Variants in MYOM2 observed in about 807,000 individuals in gnomAD.
MYOM2 encodes the protein myomesin 2, also known as myomesin-2.
Under a neutral mutation model 187.6 loss-of-function variants are expected in MYOM2, and 254 were observed. The observed-to-expected ratio is 1.35, with a 90% CI of 1.22 to 1.50. The LOEUF is 1.50. Ranked by LOEUF, MYOM2 falls within the 40% of genes most tolerant of loss-of-function variation. The probability of loss-of-function intolerance (pLI) is 0.00; values close to 1 mark genes in which losing one functional copy is unlikely to be tolerated. For synonymous variants in MYOM2, 981 were observed against 753.8 expected (o/e 1.30, Z -4.94); for missense variants, 2,796 against 1,924.0 (o/e 1.45, Z -8.48).
At chr8:2,065,582 C>T (rs950554884) in intron 6 of MYOM2, among the ~76,000 whole-genome samples, 4 of 152,134 alleles carry the variant, frequency 2.6e-5, no homozygotes, top group Non-Finnish European at 5.9e-5. Context: ...CAAAAAAGAG[C>T]CTCGGCAACT....
chr8:2,135,270 C>G (rs1020316167), intron 32 of MYOM2, among the ~76,000 whole-genome samples: 1 of 152,126 alleles, frequency 6.6e-6, no homozygotes, highest in African/African-American at 2.4e-5. Context: ...TCATCTTTAG[C>G]CATACAGTAT....
chr8:2,120,689 A>ATATATATATAAATATATATTTATATAT, intron 28 of MYOM2, among the ~76,000 whole-genome samples: 30 of 42,380 alleles, frequency 7.1e-4, no homozygotes, highest in Admixed American at 1.3e-3. Flanking sequence ...ATTATATATA[A>ATATATATATAAATATATATTTATATAT]ATATATAATA....
intron 13 of MYOM2, among the ~76,000 whole-genome samples, chr8:2,082,670 C>T (rs1440266448): frequency 1.3e-5 from 2 of 152,138 alleles, no homozygotes; most frequent in Admixed American, 6.6e-5. Flanking sequence ...TTGGAAAGGC[C>T]AGAATAGACC....
At chr8:2,050,222 C>G (rs1585812712) in intron 1 of MYOM2, among the ~76,000 whole-genome samples, 1 of 152,152 alleles carries the variant, frequency 6.6e-6, no homozygotes, top group African/African-American at 2.4e-5. Context: ...ATGGGCTGCC[C>G]TCCTTTCCCA....
intron 19 of MYOM2, among the ~76,000 whole-genome samples, chr8:2,100,081 CTT>C (rs1796638352): frequency 0.32 from 23,504 of 73,956 alleles, 4,970 homozygotes; most frequent in East Asian, 0.5. Flanking sequence ...TCCTTCCTTT[CTT>C]CTTTCCTTCC....
At position 2,079,543 on chromosome 8, in the gene MYOM2, A is replaced by C. The variant is rs1347362121; in HGVS notation, c.1463-17A>C. 1.2e-6 allele frequency: 2 copies of C among 1,613,896 alleles called. No individual in the cohort carries two copies. The highest frequency in any genetic ancestry group is 2.2e-5 in the East Asian group (1 of 44,870). ...AACTTCGCATGTCAAATCGAGTGTC[A>C]ACCTTTCTCTCCGCAGCCGTTCATT... On this transcript the variant is annotated splice_polypyrimidine_tract_variant and intron_variant, in intron 12 of 36. Coordinates refer to ENST00000262113, the MANE Select transcript of MYOM2 (RefSeq NM_003970.4).
At position 2,143,619 on chromosome 8, in the gene MYOM2, C is replaced by T. The variant is rs112129475; in HGVS notation, c.4080+163C>T. ...CCCCCACTTTTCTGCCCCTCCTAGA[C>T]GGCTTGGAATAGCCCCTGTATTCTC... On this transcript the variant is annotated intron_variant, in intron 36 of 36. Transcript: ENST00000262113. Among the ~76,000 whole-genome samples the T allele has an allele frequency of 4.7e-3, 712 of 152,276 alleles. 14 individuals are homozygous for T. The highest frequency in any genetic ancestry group is 0.045 in the East Asian group (231 of 5,164).
At chr8:2,102,900 G>A (rs1796757852) in intron 21 of MYOM2, 119 bp downstream of exon 21, 4 of 742,022 alleles carry the variant, frequency 5.4e-6, no homozygotes, top group African/African-American at 3.5e-5. Flanking sequence ...CACGTGTTAT[G>A]TGTGTATGTG....
chr8:2,074,717 C>G (rs1819356656), intron 10 of MYOM2, among the ~76,000 whole-genome samples: 2 of 152,130 alleles, frequency 1.3e-5, no homozygotes, highest in Non-Finnish European at 1.5e-5. Context: ...CTCGGCCTCC[C>G]AAGTGTTGGG....
At chr8:2,130,094 C>T (rs55955938) in intron 32 of MYOM2, among the ~76,000 whole-genome samples, 29,105 of 150,112 alleles carry the variant, frequency 0.19, 2,586 homozygotes, top group Middle Eastern at 0.24. Flanking sequence ...AGGGCGCCCA[C>T]ACCCCGCCTT....
At chr8:2,050,370 G>A (rs1056717373) in intron 1 of MYOM2, among the ~76,000 whole-genome samples, 1 of 152,136 alleles carries the variant, frequency 6.6e-6, no homozygotes, top group Non-Finnish European at 1.5e-5. Flanking sequence ...CTTATCGTAT[G>A]TTCTCTTGTA....
At chr8:2,052,344 T>C in intron 3 of MYOM2, 31 bp downstream of exon 3, 5 of 1,570,994 alleles carry the variant, frequency 3.2e-6, no homozygotes, top group Non-Finnish European at 4.3e-6. Context: ...ACTCCACTTG[T>C]GCCCTGCGTG....
At chr8:2,130,724 T>G (rs753691963) in intron 32 of MYOM2, among the ~76,000 whole-genome samples, 1 of 152,176 alleles carries the variant, frequency 6.6e-6, no homozygotes, top group Non-Finnish European at 1.5e-5. Flanking sequence ...GTAGATCCCA[T>G]GTTAAGGGAT....
intron 32 of MYOM2, among the ~76,000 whole-genome samples, chr8:2,138,344 A>C (rs1798154219): frequency 6.6e-6 from 1 of 152,150 alleles, no homozygotes; most frequent in Non-Finnish European, 1.5e-5. Context: ...GCCCATGCTG[A>C]CTGTGGACTG....
intron 19 of MYOM2, among the ~76,000 whole-genome samples, chr8:2,100,129 TTTCC>T (rs71211554): frequency 0.1 from 4,698 of 45,302 alleles, 227 homozygotes; most frequent in Non-Finnish European, 0.11. Flanking sequence ...TCCTTCCTTC[TTTCC>T]TTCCTTCCTT....
intron 28 of MYOM2, among the ~76,000 whole-genome samples, chr8:2,120,663 T>TATATGTATATATTATATTATATATA (rs1797398991): frequency 2.1e-4 from 2 of 9,534 alleles, no homozygotes; most frequent in African/African-American, 9.7e-4. Flanking sequence ...TTCCTGTATA[T>TATATGTATATATTATATTATATATA]ATATATATAT....
intron 27 of MYOM2, among the ~76,000 whole-genome samples, chr8:2,117,248 A>G (rs1406900263): frequency 6.6e-6 from 1 of 151,884 alleles, no homozygotes; most frequent in Non-Finnish European, 1.5e-5. Context: ...GGATGTATTT[A>G]TGTATATGAA....
chr8:2,134,666 G>A (rs1204755330), intron 32 of MYOM2, among the ~76,000 whole-genome samples: 3 of 152,106 alleles, frequency 2.0e-5, no homozygotes, highest in Non-Finnish European at 4.4e-5. Flanking sequence ...GGCTGTATCC[G>A]TTTGGACTCA....
In MYOM2 at chr8:2,123,332, G is replaced by C; in HGVS notation, c.3534G>C (p.Leu1178=). 4 of 1,613,920 alleles carry C rather than the reference G, an allele frequency of 2.5e-6. No homozygotes were observed. The highest frequency in any genetic ancestry group is 3.4e-6 in the Non-Finnish European group (4 of 1,179,888). The part of the protein sequence containing the change: ...VLYETETLPN[L]ERGICELLIP... ...ATGAAACGGAGACACTGCCTAACCT[G>C]GAGAGGGGAATCTGTGAGCTCCTCA... Residue 1178 remains leucine, a synonymous_variant, in exon 29 of 37, where the codon CTG becomes CTC. Coordinates refer to ENST00000262113, the MANE Select transcript of MYOM2 (RefSeq NM_003970.4).
Sources: gnomAD v4.1 joint callset for allele counts (sites outside exome capture counted in the v4.1 genomes callset) on GRCh38, gnomAD v4.1.1 for gene constraint, MANE v1.5 for transcripts, NCBI Gene and HGNC (gene_info 2026-07-23, HGNC 2026-07-21) for gene names.